APC: variants seen among roughly 807,000 people sequenced by gnomAD.
APC encodes the protein APC regulator of Wnt signaling pathway.
In APC, 72 loss-of-function variants were observed where a neutral mutation model predicts 247.0. The ratio of observed to expected loss-of-function variants is 0.29; its 90% confidence interval spans 0.24 to 0.35. APC has a LOEUF of 0.35. Among genes scored for constraint, APC ranks in the 10% least tolerant of loss-of-function variants. The pLI is 1.00. For missense variants in APC, 3,400 were observed against 3,360.7 expected, an observed-to-expected ratio of 1.01 and a Z score of -0.29; for synonymous variants, 1,254 against 1,162.5, an observed-to-expected ratio of 1.08 and a Z score of -1.60.
At chr5:112,734,535 A>C (rs746601241), upstream of APC, among the ~76,000 whole-genome samples, 6 of 152,188 alleles carry the variant, frequency 3.9e-5, no homozygotes, top group Non-Finnish European at 7.3e-5. Context: ...TTTGAAAGAA[A>C]AAAAAAGCTT....
At chr5:112,739,508 G>A (rs1752739070) in intron 1 of APC, among the ~76,000 whole-genome samples, 1 of 152,162 alleles carries the variant, frequency 6.6e-6, no homozygotes, top group African/African-American at 2.4e-5. Flanking sequence ...AATTTAAATA[G>A]TTCTTTAAAA....
chr5:112,840,971 G>A lies in APC; in HGVS notation c.5377G>A (p.Ala1793Thr), dbSNP rs1472921765. ...TEYRTRVRKN[A>T]DSKNNLNAER... ...ATATAGGACACGTGTAAGAAAAAATGCAGACTCAAAAAATAATTTAAATGC... is the reference window on the plus strand; with the variant it reads ...ATATAGGACACGTGTAAGAAAAAATACAGACTCAAAAAATAATTTAAATGC... The change falls in exon 16 of 16, where the codon GCA becomes ACA. Residue 1793 changes from alanine to threonine, a missense_variant. Transcript: ENST00000257430. The surrounding 1 kb of genome is among the most constrained non-coding windows in gnomAD (Gnocchi z 4.1). 1 of 1,612,756 alleles carries A rather than the reference G, an allele frequency of 6.2e-7. No individual in the cohort carries two copies. Among genetic ancestry groups the A allele is most frequent in the Non-Finnish European group, 8.5e-7 (1 of 1,179,342 alleles).
upstream of APC, chr5:112,737,736 C>A: frequency 1.5e-6 from 1 of 666,284 alleles, no homozygotes; most frequent in Non-Finnish European, 1.9e-6. Flanking sequence ...CTGCGGAGTG[C>A]GGGTCGGGAA....
intron 4 of APC, among the ~76,000 whole-genome samples, chr5:112,774,249 G>C (rs1757354812): frequency 6.6e-6 from 1 of 152,066 alleles, no homozygotes; most frequent in Non-Finnish European, 1.5e-5. Flanking sequence ...AGTATAGATT[G>C]AGCATCCCAA....
chr5:112,818,728 G>T (rs1355210135), intron 9 of APC, among the ~76,000 whole-genome samples: 1 of 150,620 alleles, frequency 6.6e-6, no homozygotes, highest in South Asian at 2.1e-4. Context: ...TTTTAATACT[G>T]TATATTACCA....
intron 1 of APC, among the ~76,000 whole-genome samples, chr5:112,710,247 G>T (rs1167629296): frequency 6.6e-6 from 1 of 152,142 alleles, no homozygotes; most frequent in Non-Finnish European, 1.5e-5. Flanking sequence ...GCCAGTTGGT[G>T]CTCTCTGCTG....
rs1218193392 is a variant in APC at position 112,844,252 on chromosome 5, T to C, written c.*126T>C. 2.2e-6 allele frequency: 2 copies of C among 915,078 alleles called. No individual in the cohort carries two copies. Among genetic ancestry groups the C allele is most frequent in the Non-Finnish European group, 3.3e-6 (2 of 612,096 alleles). The allele number at this position is 915,078 out of a possible 1,614,324, so 56.7% of individuals were successfully genotyped here. On this transcript the variant is annotated 3_prime_UTR_variant, in exon 16 of 16. Coordinates refer to ENST00000257430, the MANE Select transcript of APC (RefSeq NM_000038.6). ...AATAGGTTTGATTCTTGTTAGAGGG[T>C]TTTTGTTCTGGAAGCCATATTTGAT...
chr5:112,752,559 G>A (rs1328510540), intron 1 of APC, among the ~76,000 whole-genome samples: 1 of 152,164 alleles, frequency 6.6e-6, no homozygotes, highest in Non-Finnish European at 1.5e-5. Context: ...GAAAGATTGG[G>A]AGGTTTTCCC....
chr5:112,819,745 A>G (rs564973847), intron 10 of APC, among the ~76,000 whole-genome samples: 1 of 152,202 alleles, frequency 6.6e-6, no homozygotes, highest in African/African-American at 2.4e-5. Context: ...GCATATCATT[A>G]TATTCAGGGG....
At chr5:112,715,584 C>T (rs564227046) in intron 1 of APC, among the ~76,000 whole-genome samples, 7 of 152,168 alleles carry the variant, frequency 4.6e-5, no homozygotes, top group African/African-American at 1.7e-4. Context: ...ATGAATTCTT[C>T]CTTAAATATT....
At chr5:112,815,713 A>T in intron 9 of APC, 120 bp downstream of exon 9, 4 of 701,302 alleles carry the variant, frequency 5.7e-6, no homozygotes, top group Non-Finnish European at 9.7e-6. Context: ...AGGCAGGTGG[A>T]TCACTTGAGG....
chr5:112,788,673 C>T (rs1561496353), intron 6 of APC, among the ~76,000 whole-genome samples: 1 of 150,548 alleles, frequency 6.6e-6, no homozygotes, highest in Non-Finnish European at 1.5e-5. Context: ...TCAAATTCTT[C>T]ACAGGGGTCT....
intron 1 of APC, among the ~76,000 whole-genome samples, chr5:112,712,907 A>T (rs1750939545): frequency 6.6e-6 from 1 of 152,186 alleles, no homozygotes; most frequent in South Asian, 2.1e-4. Context: ...GCTGTGGCTC[A>T]CGCCTGTAAT....
In APC at chr5:112,842,873, A is replaced by C; in HGVS notation, c.7279A>C (p.Ser2427Arg). Reference protein sequence around the residue: ...SRMSSTKSSGSESDRSERPVL... With the variant: ...SRMSSTKSSGRESDRSERPVL... ...AATGTCTTCAACTAAATCAAGTGGA[A>C]GTGAATCTGATAGATCAGAAAGACC... The change falls in exon 16 of 16, where the codon AGT becomes CGT. Residue 2427 changes from serine (S) to arginine (R), a missense_variant. Physicochemically the swap from Ser to Arg is moderately radical, Grantham distance 110. Around this residue, in one of 9 missense-constraint regions of APC, gnomAD observed 1,788 missense variants for 1,649.5 expected, o/e 1.08. Coordinates refer to ENST00000257430, the MANE Select transcript of APC (RefSeq NM_000038.6). 6.2e-7 allele frequency: 1 copy of C among 1,614,064 alleles called. No individual in the cohort carries two copies. The highest frequency in any genetic ancestry group is 8.5e-7 in the Non-Finnish European group (1 of 1,179,946).
At chr5:112,728,081 A>G (rs893574175) in intron 1 of APC, among the ~76,000 whole-genome samples, 1 of 151,602 alleles carries the variant, frequency 6.6e-6, no homozygotes, top group Non-Finnish European at 1.5e-5. Context: ...ATTTTTTTGC[A>G]ATTTTTTTTT....
At chr5:112,827,735 A>T (rs535021877) in intron 12 of APC, among the ~76,000 whole-genome samples, 194 bp from the exon 13 acceptor site, 10 of 152,258 alleles carry the variant, frequency 6.6e-5, no homozygotes, top group Non-Finnish European at 1.5e-4. Context: ...TGACAAAGGA[A>T]GAACAGATAG....
At chr5:112,831,491 AT>A (rs893933966) in intron 14 of APC, among the ~76,000 whole-genome samples, 3 of 152,026 alleles carry the variant, frequency 2.0e-5, no homozygotes, top group Admixed American at 6.6e-5. Flanking sequence ...GAATTTATTT[AT>A]TTTTTCCCTC....
chr5:112,810,873 A>T (rs562118489), intron 8 of APC, among the ~76,000 whole-genome samples: 47 of 152,262 alleles, frequency 3.1e-4, no homozygotes, highest in African/African-American at 9.9e-4. Context: ...AAAAATACAA[A>T]ACTTAGCCAG....
At chr5:112,765,175 G>T (rs1026418861) in intron 2 of APC, among the ~76,000 whole-genome samples, 7 of 152,134 alleles carry the variant, frequency 4.6e-5, no homozygotes, top group African/African-American at 1.7e-4. Context: ...TGAGACTGTG[G>T]CTCACTGCAG....
Sources: gnomAD v4.1 joint callset for allele counts (sites outside exome capture counted in the v4.1 genomes callset) on GRCh38, gnomAD v4.1.1 for gene constraint, gnomAD v4.1.1 regional missense constraint, Gnocchi (gnomAD v3.1) non-coding constraint, MANE v1.5 for transcripts, NCBI Gene and HGNC (gene_info 2026-07-23, HGNC 2026-07-21) for gene names.